The following CADPS variants were observed in gnomAD, a reference collection of about 807,000 sequenced individuals.
CADPS encodes the protein calcium-dependent secretion activator 1.
Under a neutral mutation model 167.3 loss-of-function variants are expected in CADPS, and 57 were observed. The observed-to-expected ratio is 0.34, with a 90% CI of 0.28 to 0.42. The LOEUF (loss-of-function observed/expected upper bound fraction) is 0.42, where lower values mean the gene tolerates loss of function less well. CADPS is among the 20% of genes least tolerant of loss of function. The pLI is 1.00. For synonymous variants in CADPS, 676 were observed against 635.3 expected (o/e 1.06, Z -0.96); for missense variants, 1,414 against 1,738.1 (o/e 0.81, Z 3.32).
chr3:62,621,393 A>G (rs879525033), intron 6 of CADPS, among the ~76,000 whole-genome samples: 10 of 152,124 alleles, frequency 6.6e-5, no homozygotes, highest in Non-Finnish European at 1.3e-4. Context: ...GCAGAATCCC[A>G]GTGAGCAAAG....
At position 62,602,612 on chromosome 3, in the gene CADPS, G is replaced by T. The variant is rs151260752; in HGVS notation, c.1326-9864C>A. Among the ~76,000 whole-genome samples, 39 of 152,218 alleles carry T rather than the reference G, an allele frequency of 2.6e-4. 1 individual carries two copies. In the East Asian group the frequency reaches 5.8e-3, roughly 23 times the overall value. On this transcript the variant is annotated intron_variant, in intron 6 of 29. Transcript: ENST00000383710. This position sits in a 1 kb window ranked among gnomAD's most constrained non-coding sequence, Gnocchi z 4.4. The stretch of plus-strand genomic sequence containing the variant: ...GTGTCTCATGCAAACTAATTGATAG[G>T]CTGGGCTTTGGGTTCTTTAGTGTAC...
At chr3:62,783,999 C>G (rs893506958) in intron 1 of CADPS, among the ~76,000 whole-genome samples, 2 of 152,108 alleles carry the variant, frequency 1.3e-5, no homozygotes, top group African/African-American at 4.8e-5. Flanking sequence ...CTCTGAATAC[C>G]ATTTCCTATG....
intron 1 of CADPS, chr3:62,814,522 CT>C (rs1489646764): frequency 4.6e-5 from 7 of 152,084 alleles, no homozygotes; most frequent in Admixed American, 4.6e-4. Flanking sequence ...CGATATTTTA[CT>C]TTTTTAATAT....
chr3:62,530,755 G>T (rs1300836576), intron 13 of CADPS: 17 of 1,287,932 alleles, frequency 1.3e-5, no homozygotes, highest in South Asian at 2.5e-5. Flanking sequence ...AGGGAGTTTT[G>T]CTCCCTTCAG....
rs1332480679 is a variant in CADPS, at chr3:62,399,803, TATTAG to T, written c.3883-223_3883-219del. 6.6e-6 allele frequency among the ~76,000 whole-genome samples: 1 copy of T among 152,216 alleles called. No individual in the cohort carries two copies. The highest frequency in any genetic ancestry group is 1.5e-5 in the Non-Finnish European group (1 of 68,046). ...TGAGAAATAGTGACAGGATAAACTATATTAGATGAGACAAAGCAAAGAACATAAGC... is the reference window on the plus strand; with the variant it reads ...TGAGAAATAGTGACAGGATAAACTATATGAGACAAAGCAAAGAACATAAGC... On this transcript the variant is annotated intron_variant, in intron 29 of 29. Coordinates refer to ENST00000383710, the MANE Select transcript of CADPS (RefSeq NM_003716.4). This position sits in a 1 kb window ranked among gnomAD's most constrained non-coding sequence, Gnocchi z 5.6.
At chr3:62,540,047 T>C (rs1418089341) in intron 11 of CADPS, among the ~76,000 whole-genome samples, 1 of 152,178 alleles carries the variant, frequency 6.6e-6, no homozygotes, top group Non-Finnish European at 1.5e-5. Flanking sequence ...CTGGCATATA[T>C]TAAGGGCTCA....
At chr3:62,428,296 CTT>C (rs34002756) in intron 28 of CADPS, among the ~76,000 whole-genome samples, 4,825 of 61,368 alleles carry the variant, frequency 0.079, 50 homozygotes, top group East Asian at 0.15. Context: ...GGAAGCAAGA[CTT>C]TTTTTTTTTT....
intron 26 of CADPS, among the ~76,000 whole-genome samples, chr3:62,457,362 A>G (rs1302514833): frequency 6.6e-6 from 1 of 152,228 alleles, no homozygotes; most frequent in Admixed American, 6.5e-5. Context: ...GCACACTGAA[A>G]TAAACCTGAT....
intron 8 of CADPS, among the ~76,000 whole-genome samples, chr3:62,583,036 G>A (rs908415303): frequency 1.4e-4 from 21 of 152,076 alleles, no homozygotes; most frequent in Non-Finnish European, 2.9e-4. Flanking sequence ...GAACTCGAAT[G>A]TAGGTTGAGG....
intron 1 of CADPS, among the ~76,000 whole-genome samples, chr3:62,828,409 G>T (rs2074447578): frequency 6.6e-6 from 1 of 152,080 alleles, no homozygotes; most frequent in Non-Finnish European, 1.5e-5. Context: ...AAGTAATTGG[G>T]CAAAAACGTG....
At chr3:62,469,411 C>T (rs896392311) in intron 24 of CADPS, among the ~76,000 whole-genome samples, 2 of 152,158 alleles carry the variant, frequency 1.3e-5, no homozygotes, top group Non-Finnish European at 2.9e-5. Context: ...AACAAACATT[C>T]CTACTAGACA....
intron 28 of CADPS, among the ~76,000 whole-genome samples, chr3:62,436,174 C>T (rs1420706151): frequency 6.6e-6 from 1 of 151,794 alleles, no homozygotes; most frequent in Non-Finnish European, 1.5e-5. Context: ...GCTTGTACTT[C>T]TAATTTCAAA....
chr3:62,640,979 CA>C (rs1444828442), intron 6 of CADPS, among the ~76,000 whole-genome samples: 1 of 152,010 alleles, frequency 6.6e-6, no homozygotes, highest in African/African-American at 2.4e-5. Flanking sequence ...ACCATCTTCC[CA>C]ATCTCTGCCA....
intron 1 of CADPS, among the ~76,000 whole-genome samples, chr3:62,846,244 T>C (rs969295409): frequency 6.6e-6 from 1 of 152,208 alleles, no homozygotes; most frequent in Admixed American, 6.5e-5. Context: ...TAGTTATTTA[T>C]AGCAGTGTGA....
chr3:62,549,447 G>GTTTTTTTTTTTTTTTTTTTTTTTTTTTT (rs3074235), intron 11 of CADPS, among the ~76,000 whole-genome samples: 1 of 129,288 alleles, frequency 7.7e-6, no homozygotes, highest in Non-Finnish European at 1.6e-5. Flanking sequence ...CATGTTTTGT[G>GTTTTTTTTTTTTTTTTTTTTTTTTTTTT]TTTTTTTTTT....
At position 62,532,987 on chromosome 3, in the gene CADPS, G is replaced by A. The variant is rs1561774330; in HGVS notation, c.2175C>T (p.His725=). The A allele has an allele frequency of 6.2e-7, 1 of 1,613,774 alleles. No individual in the cohort carries two copies. ...AGTCTCTGAGGTAGCAGAGATGTCG[G>A]TGACACCCCCGGACTCCATTTCGGG... The part of the protein sequence containing the change: ...YCARNGVRGC[H]RHLCYLRDLL... The change falls in exon 13 of 30, where the codon CAC becomes CAT. Residue 725 remains histidine (H), a synonymous_variant. Transcript: ENST00000383710.
intron 24 of CADPS, among the ~76,000 whole-genome samples, chr3:62,469,932 A>G (rs1219904064): frequency 2.0e-5 from 3 of 152,134 alleles, no homozygotes; most frequent in Non-Finnish European, 4.4e-5. Context: ...TGAGGTGCAA[A>G]TTCACAATTA....
Position 62,466,874 on chromosome 3 carries a change from T to C in CADPS, c.3478-461A>G, listed in dbSNP as rs371189602. ...CTGTGACTAATTTTGCAAAAACTGT[T>C]CTGAAACCCTCAGGTTCTTTGGGTT... On this transcript the variant is annotated intron_variant, in intron 24 of 29. Coordinates refer to ENST00000383710, the MANE Select transcript of CADPS (RefSeq NM_003716.4). 8.4e-4 allele frequency among the ~76,000 whole-genome samples: 128 copies of C among 152,280 alleles called. 1 individual carries two copies. In the South Asian group the frequency reaches 9.9e-3, roughly 12 times the overall value.
intron 3 of CADPS, among the ~76,000 whole-genome samples, chr3:62,699,820 C>T (rs962639810): frequency 2.0e-5 from 3 of 152,058 alleles, no homozygotes; most frequent in Admixed American, 6.6e-5. Context: ...TCACCCACGT[C>T]GGCCTCCCAA....
Sources: gnomAD v4.1 joint callset for allele counts (sites outside exome capture counted in the v4.1 genomes callset) on GRCh38, gnomAD v4.1.1 for gene constraint, Gnocchi (gnomAD v3.1) non-coding constraint, MANE v1.5 for transcripts, NCBI Gene and HGNC (gene_info 2026-07-23, HGNC 2026-07-21) for gene names.